The following HACE1 variants were observed in gnomAD, a reference collection of about 807,000 sequenced individuals.
HACE1 encodes HECT domain and ankyrin repeat containing E3 ubiquitin protein ligase 1.
Under a neutral mutation model 118.4 loss-of-function variants are expected in HACE1, and 73 were observed. The observed-to-expected ratio is 0.62, with a 90% confidence interval of 0.51 to 0.75. The LOEUF (loss-of-function observed/expected upper bound fraction) is 0.75. HACE1 is among the 30% of genes least tolerant of loss of function. The pLI is 0.00. For missense variants in HACE1, 749 were observed against 1,102.2 expected (o/e 0.68, Z 4.54); for synonymous variants, 368 against 374.8 (o/e 0.98, Z 0.21).
intron 16 of HACE1, 35 bp from the exon 17 acceptor site, chr6:104,776,863 AAT>A: frequency 6.7e-7 from 1 of 1,483,918 alleles, no homozygotes; most frequent in Non-Finnish European, 9.4e-7. Context: ...CATCAACAGA[AAT>A]ATGTTATATT....
intron 6 of HACE1, among the ~76,000 whole-genome samples, chr6:104,815,897 T>C (rs1444618311): frequency 6.6e-6 from 1 of 150,730 alleles, no homozygotes; most frequent in East Asian, 2.0e-4. Flanking sequence ...ATATGGTGAA[T>C]CCCCATCTCT....
intron 11 of HACE1, 171 bp from the exon 12 acceptor site, chr6:104,785,490 C>T: frequency 1.7e-6 from 1 of 582,258 alleles, no homozygotes; most frequent in South Asian, 2.2e-5. Context: ...TAAAATTATA[C>T]AAATGCTACA....
chr6:104,762,153 G>T (rs1260892218), intron 19 of HACE1, among the ~76,000 whole-genome samples: 2 of 152,120 alleles, frequency 1.3e-5, no homozygotes, highest in South Asian at 4.1e-4. Context: ...ATTCCTCAAG[G>T]ATCTAGAACT....
At chr6:104,762,096 T>C (rs1779421449) in intron 19 of HACE1, among the ~76,000 whole-genome samples, 1 of 152,180 alleles carries the variant, frequency 6.6e-6, no homozygotes. Context: ...TTTACACTGT[T>C]GGTGGGAGTG....
chr6:104,792,976 A>G (rs949136632), intron 10 of HACE1, among the ~76,000 whole-genome samples: 10 of 152,160 alleles, frequency 6.6e-5, no homozygotes, highest in African/African-American at 2.2e-4. Flanking sequence ...TTCCTTTAAA[A>G]TAGTTGCTTT....
At chr6:104,805,290 A>G (rs1250898864) in intron 7 of HACE1, among the ~76,000 whole-genome samples, 2 of 152,232 alleles carry the variant, frequency 1.3e-5, no homozygotes, top group Non-Finnish European at 2.9e-5. Flanking sequence ...TGTGGAAGAC[A>G]GTGTGGTGAT....
At chr6:104,819,726 T>G (rs1324743210) in intron 6 of HACE1, among the ~76,000 whole-genome samples, 1 of 151,938 alleles carries the variant, frequency 6.6e-6, no homozygotes, top group Non-Finnish European at 1.5e-5. Context: ...AACCCACAAA[T>G]AAGACCGCAC....
At chr6:104,836,094 G>A (rs1003841044) in intron 5 of HACE1, among the ~76,000 whole-genome samples, 27 of 152,140 alleles carry the variant, frequency 1.8e-4, no homozygotes, top group African/African-American at 4.6e-4. Flanking sequence ...ATAGTTATCA[G>A]AAAAGATGGA....
In HACE1 at chr6:104,732,767, T is replaced by C. The variant is rs146518477; in HGVS notation, c.2514-2351A>G. On this transcript the variant is annotated intron_variant, in intron 22 of 23. Coordinates refer to ENST00000262903, the MANE Select transcript of HACE1 (RefSeq NM_020771.4). ...GATTGTCTATTTGAAATCACTGATA[T>C]GTATACATCCACAGGGAAAAAAACA... Among the ~76,000 whole-genome samples the C allele has an allele frequency of 3.7e-3, 567 of 152,328 alleles. 2 individuals carry two copies. The highest frequency in any genetic ancestry group is 0.014 in the Middle Eastern group (4 of 294).
chr6:104,743,939 C>T (rs6942231), intron 22 of HACE1, among the ~76,000 whole-genome samples: 69,095 of 151,866 alleles, frequency 0.45, 17,858 homozygotes, highest in African/African-American at 0.72. Flanking sequence ...ATAATCCTAA[C>T]TGGAGATGCT....
At chr6:104,745,054 T>C (rs1295836765) in intron 20 of HACE1, among the ~76,000 whole-genome samples, 1 of 152,128 alleles carries the variant, frequency 6.6e-6, no homozygotes, top group Non-Finnish European at 1.5e-5. Context: ...GGGAAAGTCA[T>C]CAAGAAATCA....
At position 104,859,762 on chromosome 6, in the gene HACE1, A is replaced by G. The variant is rs1777136568; in HGVS notation, c.-120T>C. The G allele has an allele frequency of 3.2e-6, 3 of 947,574 alleles. No individual in the cohort carries two copies. In the Admixed American group the frequency reaches 7.2e-5, roughly 23 times the overall value. The allele number at this position is 947,574 out of a possible 1,614,324, so 58.7% of individuals were successfully genotyped here. On this transcript the variant is annotated 5_prime_UTR_variant, in exon 1 of 24. Transcript: ENST00000262903. ...GCGGAGACGCGGGCTTGCCCCGGCT[A>G]GAGCACTGAGCTGCGAGGGCTGCCT...
At position 104,728,302 on chromosome 6, in the gene HACE1, TA is replaced by T. The variant is rs2114318422; in HGVS notation, c.*1359del. On this transcript the variant is annotated 3_prime_UTR_variant, in exon 24 of 24. Coordinates refer to ENST00000262903, the MANE Select transcript of HACE1 (RefSeq NM_020771.4). ...AATTAAATTTCAAAAAATCAAAACA[TA>T]AAACATTATTAGCTTCAGTTACTAT... 6.6e-6 allele frequency: 1 copy of T among 152,264 alleles called. No individual in the cohort carries two copies. Among genetic ancestry groups the T allele is most frequent in the East Asian group, 1.9e-4 (1 of 5,188 alleles). 9.4% of individuals were successfully genotyped at this position (152,264 alleles called of 1,614,324 possible).
intron 6 of HACE1, among the ~76,000 whole-genome samples, chr6:104,819,694 A>G (rs1772489751): frequency 6.6e-6 from 1 of 152,196 alleles, no homozygotes; most frequent in Admixed American, 6.5e-5. Context: ...ACAGACACAT[A>G]GACCAATGAA....
chr6:104,828,535 GTT>G (rs1471525435), intron 6 of HACE1, among the ~76,000 whole-genome samples: 1 of 151,886 alleles, frequency 6.6e-6, no homozygotes, highest in African/African-American at 2.4e-5. Flanking sequence ...TCTAAGAAAA[GTT>G]ATATAAAAAT....
chr6:104,753,479 G>A (rs182133307), intron 19 of HACE1, among the ~76,000 whole-genome samples: 150 of 152,190 alleles, frequency 9.9e-4, no homozygotes, highest in Non-Finnish European at 1.7e-3. Flanking sequence ...CCTCTTATAG[G>A]TGCATGCAGG....
rs1159848906 is a variant in HACE1 at position 104,815,062 on chromosome 6, T to C, written c.535-3669A>G. ...ACACTTGAAAATGTGGAAGCGACTT[T>C]GGAACTGGGTAAGGGGCAGAGGTTG... On this transcript the variant is annotated intron_variant, in intron 6 of 23. Coordinates refer to ENST00000262903, the MANE Select transcript of HACE1 (RefSeq NM_020771.4). Among the ~76,000 whole-genome samples the C allele has an allele frequency of 1.3e-4, 18 of 138,596 alleles. 5 individuals carry two copies. Among genetic ancestry groups the C allele is most frequent in the African/African-American group, 5.2e-4 (18 of 34,758 alleles). The allele number at this position is 138,596 out of a possible 152,430, so 90.9% of individuals were successfully genotyped here.
intron 3 of HACE1, among the ~76,000 whole-genome samples, chr6:104,850,196 C>T (rs1390133352): frequency 1.3e-5 from 2 of 151,730 alleles, no homozygotes; most frequent in African/African-American, 4.8e-5. Context: ...GTGATCTACC[C>T]ACCTCAGCCT....
At chr6:104,800,552 C>G (rs1219552728) in intron 7 of HACE1, among the ~76,000 whole-genome samples, 1 of 152,174 alleles carries the variant, frequency 6.6e-6, no homozygotes, top group African/African-American at 2.4e-5. Flanking sequence ...TGTTCTGCAG[C>G]CTCTGCTGGT....
Sources: gnomAD v4.1 joint callset for allele counts (sites outside exome capture counted in the v4.1 genomes callset) on GRCh38, gnomAD v4.1.1 for gene constraint, MANE v1.5 for transcripts, NCBI Gene and HGNC (gene_info 2026-07-23, HGNC 2026-07-21) for gene names.